CDH4: variants seen among roughly 807,000 people sequenced by gnomAD.
The protein encoded by CDH4 is cadherin 4.
A neutral mutation model predicts 86.0 loss-of-function variants in CDH4; 33 were observed. The observed-to-expected ratio is 0.38, with a 90% CI of 0.29 to 0.51. CDH4 has a LOEUF of 0.51. CDH4 is among the 20% of genes least tolerant of loss of function. CDH4 has a pLI of 0.86. For missense variants in CDH4, 1,114 were observed against 1,307.4 expected (o/e 0.85, Z 2.28); for synonymous variants, 555 against 549.4 (o/e 1.01, Z -0.14).
At chr20:61,265,926 G>T (rs957040528) in intron 2 of CDH4, among the ~76,000 whole-genome samples, 4 of 152,204 alleles carry the variant, frequency 2.6e-5, no homozygotes, top group Non-Finnish European at 5.9e-5. Context: ...TCCCTTGTGG[G>T]TCCTGAGGTG....
At chr20:61,559,854 A>G (rs1279856536) in intron 2 of CDH4, among the ~76,000 whole-genome samples, 3 of 152,096 alleles carry the variant, frequency 2.0e-5, no homozygotes, top group Non-Finnish European at 4.4e-5. Flanking sequence ...CCAGCTGGCC[A>G]TGCCGCTGGC....
At position 61,703,434 on chromosome 20, in the gene CDH4, T is replaced by C. The variant is rs1057069027; in HGVS notation, c.170-40129T>C. The stretch of plus-strand genomic sequence containing the variant: ...GGGGCATTTCATAAGGAGGGGACAG[T>C]GTGGCTGGGATATGGGCGGCCTTGC... On this transcript the variant is annotated intron_variant, in intron 2 of 15. Coordinates refer to ENST00000614565, the MANE Select transcript of CDH4 (RefSeq NM_001794.5). This position sits in a 1 kb window ranked among gnomAD's most constrained non-coding sequence, Gnocchi z 4.3. Among the ~76,000 whole-genome samples, 1 of 152,092 alleles carries C rather than the reference T, an allele frequency of 6.6e-6. No homozygotes were observed. Among genetic ancestry groups the C allele is most frequent in the African/African-American group, 2.4e-5 (1 of 41,408 alleles).
At chr20:61,458,328 T>C (rs769689626) in intron 2 of CDH4, among the ~76,000 whole-genome samples, 2 of 151,224 alleles carry the variant, frequency 1.3e-5, no homozygotes, top group African/African-American at 2.4e-5. Context: ...GTGATGGTCA[T>C]GGTCATGAGG....
chr20:61,527,988 G>A (rs183140625), intron 2 of CDH4, among the ~76,000 whole-genome samples: 1 of 152,290 alleles, frequency 6.6e-6, no homozygotes, highest in East Asian at 1.9e-4. Flanking sequence ...AATCTACGCA[G>A]CATTATTCCA....
At chr20:61,496,625 A>T (rs2085664760) in intron 2 of CDH4, among the ~76,000 whole-genome samples, 2 of 152,244 alleles carry the variant, frequency 1.3e-5, no homozygotes, top group African/African-American at 4.8e-5. Flanking sequence ...CATCCATTTT[A>T]GGCACGCATT....
At chr20:61,632,020 G>A (rs1408362037) in intron 2 of CDH4, among the ~76,000 whole-genome samples, 2 of 152,270 alleles carry the variant, frequency 1.3e-5, no homozygotes, top group African/African-American at 4.8e-5. Flanking sequence ...TGCGCAAGTG[G>A]CTGTCGGGAT....
chr20:61,424,853 A>T (rs2085203050), intron 2 of CDH4, among the ~76,000 whole-genome samples: 1 of 106,444 alleles, frequency 9.4e-6, no homozygotes, highest in South Asian at 2.7e-4. Flanking sequence ...CTTGGAATCC[A>T]CTTCTGGCTG....
chr20:61,874,195 G>A (rs1005610709), intron 7 of CDH4, among the ~76,000 whole-genome samples: 8 of 152,108 alleles, frequency 5.3e-5, no homozygotes, highest in East Asian at 1.9e-4. Context: ...GGGTCTAGCC[G>A]CAGCTGCACT....
At chr20:61,461,641 G>A (rs1026905174) in intron 2 of CDH4, among the ~76,000 whole-genome samples, 1 of 152,214 alleles carries the variant, frequency 6.6e-6, no homozygotes, top group Non-Finnish European at 1.5e-5. Context: ...AGTGAGGGGC[G>A]ATTACATTTT....
chr20:61,266,825 C>T (rs897251321), intron 2 of CDH4, among the ~76,000 whole-genome samples: 1 of 152,240 alleles, frequency 6.6e-6, no homozygotes, highest in East Asian at 1.9e-4. Context: ...CACAAAGGAT[C>T]CATCCACGCA....
At chr20:61,634,346 G>A (rs2086925266) in intron 2 of CDH4, among the ~76,000 whole-genome samples, 1 of 152,200 alleles carries the variant, frequency 6.6e-6, no homozygotes, top group African/African-American at 2.4e-5. Context: ...ACAAAGGGAG[G>A]ATGAGACAGT....
rs2086270287 is a variant in CDH4, at chr20:61,565,231, T to TGGTGGTGCTCTTGGTGATGGGGA, written c.170-178325_170-178324insCTCTTGGTGATGGGGAGGTGGTG. 1.1e-4 allele frequency among the ~76,000 whole-genome samples: 5 copies of TGGTGGTGCTCTTGGTGATGGGGA among 45,756 alleles called. 1 individual carries two copies. Among genetic ancestry groups the TGGTGGTGCTCTTGGTGATGGGGA allele is most frequent in the Admixed American group, 2.2e-4 (1 of 4,478 alleles). The allele number at this position is 45,756 out of a possible 152,430, so 30.0% of individuals were successfully genotyped here. ...CGGTGCTCTCGGTGGTAGGTGGTGG[T>TGGTGGTGCTCTTGGTGATGGGGA]GGTGGTGGTGGCGGTGCTCTTGGTG... On this transcript the variant is annotated intron_variant, in intron 2 of 15. Transcript: ENST00000614565.
chr20:61,857,144 C>T (rs909373527), intron 6 of CDH4, among the ~76,000 whole-genome samples: 8 of 152,366 alleles, frequency 5.3e-5, no homozygotes, highest in Admixed American at 2.6e-4. Flanking sequence ...TACCCCTCCC[C>T]GGGGCAGAGG....
intron 3 of CDH4, among the ~76,000 whole-genome samples, chr20:61,752,439 G>C (rs558596685): frequency 3.0e-4 from 46 of 150,882 alleles, no homozygotes; most frequent in Non-Finnish European, 5.6e-4. Flanking sequence ...GTATACTCTT[G>C]ATGGGAGTGT....
intron 2 of CDH4, among the ~76,000 whole-genome samples, chr20:61,739,780 C>T (rs915948130): frequency 3.3e-5 from 5 of 152,236 alleles, no homozygotes; most frequent in East Asian, 1.9e-4. Flanking sequence ...AGGCCGCTCC[C>T]GGCCGCTGCA....
intron 2 of CDH4, among the ~76,000 whole-genome samples, chr20:61,618,212 C>T (rs1276221280): frequency 6.6e-6 from 1 of 152,024 alleles, no homozygotes; most frequent in Non-Finnish European, 1.5e-5. Context: ...TGGCCCGGTT[C>T]TTGTTTTCCG....
intron 8 of CDH4, among the ~76,000 whole-genome samples, chr20:61,906,334 T>C (rs1253240663): frequency 6.6e-6 from 1 of 152,242 alleles, no homozygotes; most frequent in Non-Finnish European, 1.5e-5. Context: ...TAAAACTTTA[T>C]TTATAAAAAC....
intron 7 of CDH4, among the ~76,000 whole-genome samples, chr20:61,878,942 C>G (rs1346218098): frequency 6.6e-6 from 1 of 152,258 alleles, no homozygotes; most frequent in East Asian, 1.9e-4. Flanking sequence ...TCAGAGCTGC[C>G]CTGCTCTTCC....
intron 12 of CDH4, among the ~76,000 whole-genome samples, chr20:61,929,291 C>T (rs2055079657): frequency 6.6e-6 from 1 of 152,126 alleles, no homozygotes; most frequent in African/African-American, 2.4e-5. Flanking sequence ...GCTTGCACCA[C>T]ACGCCCGGCT....
Sources: allele counts gnomAD v4.1 joint callset (sites outside exome capture counted in the v4.1 genomes callset), GRCh38; gene constraint gnomAD v4.1.1; non-coding constraint Gnocchi (gnomAD v3.1); transcripts MANE v1.5; gene names NCBI Gene and HGNC (gene_info 2026-07-23, HGNC 2026-07-21).